The following CNTN5 variants were observed in gnomAD, a reference collection of about 807,000 sequenced individuals.
CNTN5 encodes the protein contactin 5, also known as contactin-5.
CNTN5 carries 77 observed loss-of-function variants against 129.1 expected under a neutral mutation model. That is an observed-to-expected ratio of 0.60 (90% CI 0.50 to 0.72). CNTN5 has a LOEUF of 0.72. Ranked by LOEUF, CNTN5 falls within the 30% of genes least tolerant of loss-of-function variation. The probability of loss-of-function intolerance (pLI) is 0.00; values close to 1 mark genes in which losing one functional copy is unlikely to be tolerated. For synonymous variants in CNTN5, 509 were observed against 465.6 expected (o/e 1.09, Z -1.20); for missense variants, 1,478 against 1,328.8 (o/e 1.11, Z -1.75).
intron 1 of CNTN5, among the ~76,000 whole-genome samples, chr11:99,171,906 T>C (rs574673707): frequency 1.6e-4 from 24 of 152,290 alleles, no homozygotes; most frequent in African/African-American, 5.3e-4. Context: ...GCGAATTTCA[T>C]TCAGGAGCAA....
intron 1 of CNTN5, among the ~76,000 whole-genome samples, chr11:99,304,333 C>CA (rs986396204): frequency 1.3e-5 from 2 of 151,860 alleles, no homozygotes; most frequent in Admixed American, 6.6e-5. Context: ...ATCCTTCCAT[C>CA]AAAAAAATAT....
At chr11:100,214,202 A>G (rs1277789741) in intron 15 of CNTN5, among the ~76,000 whole-genome samples, 1 of 152,178 alleles carries the variant, frequency 6.6e-6, no homozygotes, top group Admixed American at 6.6e-5. Flanking sequence ...AAAATGTATG[A>G]AAGTTCTTCT....
In CNTN5 at chr11:99,403,530, C is replaced by G. The variant is rs185535065; in HGVS notation, c.-71+78046C>G. Among the ~76,000 whole-genome samples, 30 of 152,128 alleles carry G rather than the reference C, an allele frequency of 2.0e-4. 1 individual carries two copies. The highest frequency in any genetic ancestry group is 3.4e-4 in the Non-Finnish European group (23 of 67,992). On this transcript the variant is annotated intron_variant, in intron 2 of 24. Transcript: ENST00000524871. Reference sequence around the variant, plus strand: ...CCTCTTATTGCTGCTTTTGCTCTGTCCCATAGGTTTTGTTATGTTTGGTTT... The same window carrying G: ...CCTCTTATTGCTGCTTTTGCTCTGTGCCATAGGTTTTGTTATGTTTGGTTT...
intron 21 of CNTN5, among the ~76,000 whole-genome samples, chr11:100,326,374 TAGAG>T (rs1461972691): frequency 1.3e-5 from 2 of 152,108 alleles, no homozygotes; most frequent in African/African-American, 4.8e-5. Flanking sequence ...ACATTTAAGA[TAGAG>T]AAATTCCAAT....
intron 13 of CNTN5, among the ~76,000 whole-genome samples, chr11:100,170,844 G>T (rs1371028262): frequency 6.6e-6 from 1 of 151,470 alleles, no homozygotes; most frequent in Admixed American, 6.6e-5. Context: ...GATGCTTACT[G>T]TTAACTTTAA....
intron 13 of CNTN5, among the ~76,000 whole-genome samples, chr11:100,171,855 AC>A (rs905838203): frequency 2.7e-5 from 4 of 150,340 alleles, no homozygotes; most frequent in African/African-American, 4.9e-5. Context: ...AGAAAAAAAA[AC>A]CTCTAATATA....
intron 3 of CNTN5, among the ~76,000 whole-genome samples, chr11:99,805,926 T>C (rs1391784052): frequency 6.6e-6 from 1 of 152,208 alleles, no homozygotes; most frequent in Non-Finnish European, 1.5e-5. Flanking sequence ...AGCACTAAGC[T>C]GTTAAATGGG....
intron 2 of CNTN5, among the ~76,000 whole-genome samples, chr11:99,544,452 G>A (rs185610656): frequency 6.6e-6 from 1 of 152,280 alleles, no homozygotes; most frequent in East Asian, 1.9e-4. Flanking sequence ...GATTATTTAG[G>A]TACTGTGCTG....
chr11:100,104,136 C>T (rs1945332659), intron 13 of CNTN5, among the ~76,000 whole-genome samples: 1 of 149,990 alleles, frequency 6.7e-6, no homozygotes, highest in African/African-American at 2.5e-5. Context: ...TCTCTGTCAC[C>T]CAAGCTGGAA....
chr11:99,715,875 C>T (rs1226222264), intron 3 of CNTN5, among the ~76,000 whole-genome samples: 1 of 151,804 alleles, frequency 6.6e-6, no homozygotes. Context: ...AAAGGTTTAT[C>T]TAAATGACAG....
At chr11:99,067,193 T>C (rs1865136621) in intron 1 of CNTN5, among the ~76,000 whole-genome samples, 1 of 152,112 alleles carries the variant, frequency 6.6e-6, no homozygotes, top group South Asian at 2.1e-4. Flanking sequence ...AAATCTCCTA[T>C]AGATTTCTAA....
At chr11:99,205,573 T>A (rs766679007) in intron 1 of CNTN5, among the ~76,000 whole-genome samples, 1 of 152,218 alleles carries the variant, frequency 6.6e-6, no homozygotes, top group Non-Finnish European at 1.5e-5. Flanking sequence ...GAATAAATTC[T>A]GGAGATCTAA....
At chr11:100,202,738 G>A (rs1309582641) in intron 15 of CNTN5, among the ~76,000 whole-genome samples, 1 of 151,682 alleles carries the variant, frequency 6.6e-6, no homozygotes, top group African/African-American at 2.4e-5. Flanking sequence ...TTGGATTCCT[G>A]TAACTACACT....
intron 2 of CNTN5, among the ~76,000 whole-genome samples, chr11:99,406,182 T>C (rs4754625): frequency 0.75 from 112,921 of 151,560 alleles, 42,927 homozygotes; most frequent in African/African-American, 0.9. Context: ...TTATTTGCAC[T>C]CATCCTTCCT....
Position 99,918,020 on chromosome 11 carries a change from C to T in CNTN5, c.673+1871C>T, listed in dbSNP as rs1415930863. On this transcript the variant is annotated intron_variant, in intron 7 of 24. Coordinates refer to ENST00000524871, the MANE Select transcript of CNTN5 (RefSeq NM_014361.4). ...TCTCAATTGCCATATTTACAAGCTTCTTATTTTCTGAACAGCATCCACTGT... is the reference window on the plus strand; with the variant it reads ...TCTCAATTGCCATATTTACAAGCTTTTTATTTTCTGAACAGCATCCACTGT... Among the ~76,000 whole-genome samples, 6 of 152,098 alleles carry T rather than the reference C, an allele frequency of 3.9e-5. No individual in the cohort carries two copies. The East Asian group carries it at 1.2e-3, about 29-fold the overall frequency.
intron 3 of CNTN5, among the ~76,000 whole-genome samples, chr11:99,670,814 C>G (rs187343680): frequency 6.6e-6 from 1 of 152,102 alleles, no homozygotes; most frequent in South Asian, 2.1e-4. Flanking sequence ...GCTGCTTGGA[C>G]GCATTTTGAA....
At chr11:99,406,836 A>G (rs1414636475) in intron 2 of CNTN5, among the ~76,000 whole-genome samples, 1 of 152,150 alleles carries the variant, frequency 6.6e-6, no homozygotes, top group East Asian at 1.9e-4. Context: ...GACCACTGCC[A>G]CATCAGACTC....
At chr11:99,909,818 G>C (rs891438776) in intron 6 of CNTN5, among the ~76,000 whole-genome samples, 4 of 151,958 alleles carry the variant, frequency 2.6e-5, no homozygotes, top group Non-Finnish European at 5.9e-5. Flanking sequence ...TTGTGGGGTG[G>C]GGGGAGAGGG....
intron 3 of CNTN5, among the ~76,000 whole-genome samples, chr11:99,714,335 T>C (rs965903305): frequency 7.9e-5 from 12 of 151,918 alleles, no homozygotes; most frequent in Non-Finnish European, 1.0e-4. Flanking sequence ...GCAAGCTACA[T>C]AGCATTGAAT....
Sources: gnomAD v4.1 joint callset for allele counts (sites outside exome capture counted in the v4.1 genomes callset) on GRCh38, gnomAD v4.1.1 for gene constraint, MANE v1.5 for transcripts, NCBI Gene and HGNC (gene_info 2026-07-23, HGNC 2026-07-21) for gene names.